HEATR5A: variants seen among roughly 807,000 people sequenced by gnomAD.
HEATR5A encodes the protein HEAT repeat containing 5A.
Under a neutral mutation model 218.8 loss-of-function variants are expected in HEATR5A, and 178 were observed. The observed-to-expected ratio is 0.81, with a 90% CI of 0.72 to 0.92. The LOEUF is 0.92. HEATR5A is among the 40% of genes least tolerant of loss of function. The pLI, the probability that HEATR5A is intolerant of heterozygous loss-of-function variation, is 0.00. For synonymous variants in HEATR5A, 864 were observed against 871.6 expected, an observed-to-expected ratio of 0.99 and a Z score of 0.15; for missense variants, 2,420 against 2,418.9, an observed-to-expected ratio of 1.00 and a Z score of -0.01.
chr14:31,372,567 A>G (rs1467520641), intron 12 of HEATR5A, among the ~76,000 whole-genome samples: 1 of 152,120 alleles, frequency 6.6e-6, no homozygotes, highest in East Asian at 1.9e-4. Context: ...AGTGGCTCAC[A>G]CCCGTAATCC....
intron 11 of HEATR5A, among the ~76,000 whole-genome samples, chr14:31,377,404 T>A (rs1264632933): frequency 1.0e-5 from 1 of 97,384 alleles, no homozygotes; most frequent in Admixed American, 1.1e-4. Flanking sequence ...TTCCATGAGC[T>A]CATAATGATA....
rs1047021480 is a variant in HEATR5A at position 31,313,203 on chromosome 14, A to G, written c.4219-13T>C. The G allele has an allele frequency of 8.8e-6, 14 of 1,585,790 alleles. No homozygotes were observed. In the African/African-American group the frequency reaches 1.8e-4, roughly 20 times the overall value. ...CAATTATGTAGACCTGTTAAAGGTT[A>G]ATTTAAAAACAGGAAAATCTTTTAT... is the stretch of plus-strand genomic sequence containing the variant. On this transcript the variant is annotated splice_polypyrimidine_tract_variant and intron_variant, in intron 27 of 35. Transcript: ENST00000543095.
At chr14:31,305,451 T>A (rs984244381) in intron 31 of HEATR5A, among the ~76,000 whole-genome samples, 6 of 152,004 alleles carry the variant, frequency 3.9e-5, no homozygotes, top group African/African-American at 1.4e-4. Context: ...TTAGTAGAGA[T>A]GAGGTTTCAC....
At chr14:31,418,716 A>G (rs2031538484) in intron 1 of HEATR5A, among the ~76,000 whole-genome samples, 3 of 152,230 alleles carry the variant, frequency 2.0e-5, no homozygotes, top group Admixed American at 6.5e-5. Flanking sequence ...CAATTATACT[A>G]TGGGATAATT....
At chr14:31,398,538 A>G (rs902564602) in intron 4 of HEATR5A, 135 bp downstream of exon 4, 40 of 558,130 alleles carry the variant, frequency 7.2e-5, no homozygotes, top group Non-Finnish European at 1.9e-5. Flanking sequence ...TCACCTAGAA[A>G]TATTAATTTA....
chr14:31,324,754 C>G (rs754501043), intron 23 of HEATR5A, among the ~76,000 whole-genome samples: 1 of 150,550 alleles, frequency 6.6e-6, no homozygotes, highest in Non-Finnish European at 1.5e-5. Context: ...CCTCGAACAC[C>G]TGGGCTCAGG....
intron 1 of HEATR5A, among the ~76,000 whole-genome samples, chr14:31,406,184 C>A (rs906472289): frequency 6.6e-6 from 1 of 152,170 alleles, no homozygotes; most frequent in African/African-American, 2.4e-5. Context: ...CACAACCCTA[C>A]ATATACCTGA....
chr14:31,416,456 C>A (rs1185049454), intron 1 of HEATR5A, among the ~76,000 whole-genome samples: 1 of 152,078 alleles, frequency 6.6e-6, no homozygotes, highest in Non-Finnish European at 1.5e-5. Context: ...ATATGTACAG[C>A]TTTAAATATT....
intron 1 of HEATR5A, among the ~76,000 whole-genome samples, chr14:31,403,530 C>T (rs1256487192): frequency 2.0e-5 from 3 of 152,332 alleles, no homozygotes; most frequent in African/African-American, 7.2e-5. Flanking sequence ...CCAAGAGGGA[C>T]TTAAGCCCAT....
At chr14:31,361,230 A>G (rs1901605673) in intron 14 of HEATR5A, among the ~76,000 whole-genome samples, 2 of 152,218 alleles carry the variant, frequency 1.3e-5, no homozygotes, top group South Asian at 4.1e-4. Flanking sequence ...AAATTTTATT[A>G]TATTTAATCT....
At position 31,321,591 on chromosome 14, in the gene HEATR5A, G is replaced by T. The variant is rs1278330229; in HGVS notation, c.3877C>A (p.Leu1293Ile). The change falls in exon 25 of 36, where the codon CTT becomes ATT. Residue 1293 changes from leucine (L) to isoleucine (I), a missense_variant. Coordinates refer to ENST00000543095, the MANE Select transcript of HEATR5A (RefSeq NM_015473.4). ...DHSDQLRLSG[L>I]EMLLVVIRRF... ...CGAATAACAACTAACAGCATTTCAA[G>T]GCCAGAAAGACGGAGCTGGTCACTG... The T allele has an allele frequency of 6.2e-7, 1 of 1,609,388 alleles. No individual in the cohort carries two copies. Among genetic ancestry groups the T allele is most frequent in the Non-Finnish European group, 8.5e-7 (1 of 1,178,026 alleles).
chr14:31,380,667 T>C lies in HEATR5A; in HGVS notation c.1597-89A>G, dbSNP rs1248009790. On this transcript the variant is annotated intron_variant, in intron 10 of 35. Transcript: ENST00000543095. ...AGCTAACAATATCTTGAAAAATTAATTCTTACATAAAATAAATGTAAACGA... is the reference window on the plus strand; with the variant it reads ...AGCTAACAATATCTTGAAAAATTAACTCTTACATAAAATAAATGTAAACGA... 4 of 790,776 alleles carry C rather than the reference T, an allele frequency of 5.1e-6. No homozygotes were observed. The African/African-American group carries it at 6.9e-5, about 14-fold the overall frequency. The allele number at this position is 790,776 out of a possible 1,614,324, so 49.0% of individuals were successfully genotyped here.
At chr14:31,316,325 T>TA (rs147402598) in intron 26 of HEATR5A, among the ~76,000 whole-genome samples, 2,242 of 148,968 alleles carry the variant, frequency 0.015, 50 homozygotes, top group African/African-American at 0.051. Context: ...GCCCATCTCT[T>TA]AAAAAAAAAA....
chr14:31,330,838 C>T (rs1943365430), intron 22 of HEATR5A, among the ~76,000 whole-genome samples: 1 of 151,644 alleles, frequency 6.6e-6, no homozygotes, highest in Non-Finnish European at 1.5e-5. Context: ...GTGAAAATTT[C>T]TGCAGTGCGC....
chr14:31,334,271 T>C (rs1336268958), intron 22 of HEATR5A: 2 of 376,146 alleles, frequency 5.3e-6, no homozygotes, highest in Non-Finnish European at 1.1e-5. Flanking sequence ...TAACACAATA[T>C]CCATTCGCAG....
intron 16 of HEATR5A, among the ~76,000 whole-genome samples, chr14:31,355,151 C>A (rs547040687): frequency 0.017 from 2,578 of 152,314 alleles, 56 homozygotes; most frequent in African/African-American, 0.058. Context: ...CAGTAGCTTA[C>A]ACCTGTAATC....
Position 31,355,154 on chromosome 14 carries a change from C to T in HEATR5A, c.2411+3483G>A, listed in dbSNP as rs146852929. 1.9e-3 allele frequency among the ~76,000 whole-genome samples: 284 copies of T among 152,326 alleles called. 2 individuals are homozygous for T. The highest frequency in any genetic ancestry group is 6.4e-3 in the African/African-American group (264 of 41,556). On this transcript the variant is annotated intron_variant, in intron 16 of 35. Coordinates refer to ENST00000543095, the MANE Select transcript of HEATR5A (RefSeq NM_015473.4). Reference sequence around the variant, plus strand: ...GCAGGCCAGGAGCAGTAGCTTACACCTGTAATCCCAGGACTTTGGGAGGCT... The same window carrying T: ...GCAGGCCAGGAGCAGTAGCTTACACTTGTAATCCCAGGACTTTGGGAGGCT...
chr14:31,328,280 G>C (rs1443109555), intron 22 of HEATR5A, among the ~76,000 whole-genome samples: 1 of 152,078 alleles, frequency 6.6e-6, no homozygotes, highest in Non-Finnish European at 1.5e-5. Flanking sequence ...GTTGGTACTA[G>C]ACTATTTTAA....
intron 21 of HEATR5A, among the ~76,000 whole-genome samples, chr14:31,341,887 T>C (rs1900851968): frequency 6.6e-6 from 1 of 152,072 alleles, no homozygotes; most frequent in Admixed American, 6.6e-5. Flanking sequence ...AAAGATCAAA[T>C]GCAAAGGAGT....
Sources: gnomAD v4.1 joint callset for allele counts (sites outside exome capture counted in the v4.1 genomes callset) on GRCh38, gnomAD v4.1.1 for gene constraint, MANE v1.5 for transcripts, NCBI Gene and HGNC (gene_info 2026-07-23, HGNC 2026-07-21) for gene names.